Variants in KPNA3 observed in about 807,000 individuals in gnomAD.
The protein encoded by KPNA3 is karyopherin subunit alpha 3.
KPNA3 carries 13 observed loss-of-function variants against 73.8 expected under a neutral mutation model. The ratio of observed to expected loss-of-function variants is 0.18; its 90% CI spans 0.11 to 0.28. The LOEUF (loss-of-function observed/expected upper bound fraction) is 0.28, where lower values mean the gene tolerates loss of function less well. Among genes scored for constraint, KPNA3 ranks in the 10% least tolerant of loss-of-function variants. The pLI is 1.00. For missense variants in KPNA3, 360 were observed against 618.1 expected (o/e 0.58, Z 4.43); for synonymous variants, 186 against 206.9 (o/e 0.90, Z 0.87).
intron 2 of KPNA3, among the ~76,000 whole-genome samples, chr13:49,733,285 T>TTG (rs1267122011): frequency 7.0e-6 from 1 of 142,278 alleles, no homozygotes; most frequent in Non-Finnish European, 1.6e-5. Flanking sequence ...CTGTGGTGTT[T>TTG]TTTTTTTTTT....
At position 49,790,597 on chromosome 13, in the gene KPNA3, A is replaced by C. The variant is rs183206400; in HGVS notation, c.69+1841T>G. On this transcript the variant is annotated intron_variant, in intron 1 of 16. Coordinates refer to ENST00000261667, the MANE Select transcript of KPNA3 (RefSeq NM_002267.4). ...GAACTACCATTTGAATGTCTATTTC[A>C]TGTTTTAGTTACACTATAGAATCCC... 1.2e-4 allele frequency among the ~76,000 whole-genome samples: 19 copies of C among 152,376 alleles called. No homozygotes were observed. In the South Asian group the frequency reaches 3.3e-3, roughly 27 times the overall value.
chr13:49,773,168 G>C (rs939821271), intron 1 of KPNA3, among the ~76,000 whole-genome samples: 1 of 152,192 alleles, frequency 6.6e-6, no homozygotes, highest in African/African-American at 2.4e-5. Flanking sequence ...AAGGCAAGCT[G>C]ATCAATGAAA....
Position 49,722,037 on chromosome 13 carries a change from G to T in KPNA3, c.644C>A (p.Thr215Asn). The change falls in exon 9 of 17, where the codon ACC becomes AAC. Residue 215 changes from threonine to asparagine, a missense_variant. Physicochemically the swap from Thr to Asn is moderately conservative, Grantham distance 65. Around this residue, in one of 3 missense-constraint regions of KPNA3, gnomAD observed 287 missense variants for 549.1 expected, o/e 0.52. Transcript: ENST00000261667. The part of the protein sequence containing the change: ...LSFISPSIPI[T>N]FLRNVTWVIV... The stretch of plus-strand genomic sequence containing the variant: ...GACCCATGTGACGTTCCGAAGGAAG[G>T]TGATGGGGATGGAGGGACTGATGAA... The T allele has an allele frequency of 6.2e-7, 1 of 1,612,108 alleles. No individual in the cohort carries two copies. Among genetic ancestry groups the T allele is most frequent in the East Asian group, 2.2e-5 (1 of 44,828 alleles).
intron 1 of KPNA3, among the ~76,000 whole-genome samples, chr13:49,758,570 C>T (rs1347033365): frequency 1.3e-5 from 2 of 151,910 alleles, no homozygotes; most frequent in African/African-American, 2.4e-5. Flanking sequence ...TTCTATTATT[C>T]CTGGTGTCAG....
intron 10 of KPNA3, among the ~76,000 whole-genome samples, chr13:49,717,281 A>T (rs1407095030): frequency 1.3e-5 from 2 of 152,104 alleles, no homozygotes; most frequent in South Asian, 2.1e-4. Flanking sequence ...CATATAAAAA[A>T]TTAGCAGGGA....
intron 15 of KPNA3, 148 bp downstream of exon 15, chr13:49,705,473 A>C (rs1047076003): frequency 1.0e-5 from 9 of 869,192 alleles, no homozygotes; most frequent in Non-Finnish European, 1.6e-5. Flanking sequence ...CTTGGAATGC[A>C]AATATAGTGA....
At chr13:49,719,727 T>A in intron 10 of KPNA3, 48 bp downstream of exon 10, 1 of 1,292,268 alleles carries the variant, frequency 7.7e-7, no homozygotes, top group Non-Finnish European at 1.1e-6. Context: ...AAACCCTTTC[T>A]GTCCCATCAA....
In KPNA3 at chr13:49,792,490, C is replaced by T; in HGVS notation, c.17G>A (p.Ser6Asn). Residue 6 changes from serine (S) to asparagine (N), a missense_variant, in exon 1 of 17, where the codon AGC (serine) becomes AAC (asparagine). By Grantham distance (46) the Ser-to-Asn change is conservative (BLOSUM62 1). Around this residue, in one of 3 missense-constraint regions of KPNA3, gnomAD observed 35 missense variants for 30.0 expected, o/e 1.17. Transcript: ENST00000261667. ...GCTCTTGATGCGGTGGTTCTCCAAG[C>T]TGGGGTTCTCGGCCATGGCTGCGCG... MAENP[S>N]LENHRIKSFK... The T allele has an allele frequency of 6.3e-7, 1 of 1,580,550 alleles. No homozygotes were observed. Among genetic ancestry groups the T allele is most frequent in the Non-Finnish European group, 8.6e-7 (1 of 1,165,004 alleles).
At chr13:49,721,711 T>C (rs936519231) in intron 9 of KPNA3, among the ~76,000 whole-genome samples, 2 of 152,018 alleles carry the variant, frequency 1.3e-5, no homozygotes, top group Non-Finnish European at 2.9e-5. Context: ...TCCCAGCTAC[T>C]CAGGAGGCTG....
intron 1 of KPNA3, among the ~76,000 whole-genome samples, chr13:49,770,838 A>G (rs1485402652): frequency 7.0e-5 from 10 of 143,020 alleles, no homozygotes; most frequent in Admixed American, 4.0e-4. Context: ...ACCTACCAAA[A>G]AAAAAAAAAA....
At chr13:49,752,559 T>C (rs1406087547) in intron 1 of KPNA3, among the ~76,000 whole-genome samples, 1 of 149,196 alleles carries the variant, frequency 6.7e-6, no homozygotes, top group African/African-American at 2.4e-5. Context: ...TCAATCAGAA[T>C]TAGAAAAACT....
At position 49,789,982 on chromosome 13, in the gene KPNA3, G is replaced by T. The variant is rs1410096227; in HGVS notation, c.69+2456C>A. Among the ~76,000 whole-genome samples, 3 of 150,704 alleles carry T rather than the reference G, an allele frequency of 2.0e-5. No homozygotes were observed. The South Asian group carries it at 6.7e-4, about 33-fold the overall frequency. On this transcript the variant is annotated intron_variant, in intron 1 of 16. Transcript: ENST00000261667. ...GCATGCATTTTCGGAATACTATACTGTAACAATTGTTGTTCTGCATTGTAA... is the reference window on the plus strand; with the variant it reads ...GCATGCATTTTCGGAATACTATACTTTAACAATTGTTGTTCTGCATTGTAA...
chr13:49,734,175 C>CT (rs886122975), intron 2 of KPNA3, among the ~76,000 whole-genome samples: 2 of 152,206 alleles, frequency 1.3e-5, no homozygotes, highest in South Asian at 2.1e-4. Context: ...TGAATTACCA[C>CT]TTTAACTGTA....
chr13:49,786,160 G>A (rs1472356804), intron 1 of KPNA3, among the ~76,000 whole-genome samples: 1 of 152,166 alleles, frequency 6.6e-6, no homozygotes, highest in Non-Finnish European at 1.5e-5. Flanking sequence ...ATGCCATGGA[G>A]TCAACACCAA....
chr13:49,700,136 G>T lies in KPNA3; in HGVS notation c.*1664C>A, dbSNP rs1256455217. 1 of 152,534 alleles carries T rather than the reference G, an allele frequency of 6.6e-6. No individual in the cohort carries two copies. Among genetic ancestry groups the T allele is most frequent in the Non-Finnish European group, 1.5e-5 (1 of 68,014 alleles). The allele number at this position is 152,534 out of a possible 1,614,324, so 9.4% of individuals were successfully genotyped here. A position where few individuals can be genotyped will look rare whatever the true frequency, so the allele number is the denominator to read the frequency against. On this transcript the variant is annotated 3_prime_UTR_variant, in exon 17 of 17. Coordinates refer to ENST00000261667, the MANE Select transcript of KPNA3 (RefSeq NM_002267.4). ...TAAACATACGCTTGTATCCACTTTAGATACAAGACAAAACTCACTCTTTAA... is the reference window on the plus strand; with the variant it reads ...TAAACATACGCTTGTATCCACTTTATATACAAGACAAAACTCACTCTTTAA...
Position 49,700,347 on chromosome 13 carries a change from T to G in KPNA3, c.*1453A>C, listed in dbSNP as rs1039215137. ...TAGATTTTCTATCCCTTCACATCAATGCATTGGGAAATTATACCCAGTAAA... is the reference window on the plus strand; with the variant it reads ...TAGATTTTCTATCCCTTCACATCAAGGCATTGGGAAATTATACCCAGTAAA... On this transcript the variant is annotated 3_prime_UTR_variant, in exon 17 of 17. Coordinates refer to ENST00000261667, the MANE Select transcript of KPNA3 (RefSeq NM_002267.4). 6.6e-6 allele frequency: 1 copy of G among 152,646 alleles called. No homozygotes were observed. Among genetic ancestry groups the G allele is most frequent in the Non-Finnish European group, 1.5e-5 (1 of 68,032 alleles). 9.5% of individuals were successfully genotyped at this position (152,646 alleles called of 1,614,324 possible).
At chr13:49,753,437 C>T (rs1364687128) in intron 1 of KPNA3, among the ~76,000 whole-genome samples, 2 of 152,188 alleles carry the variant, frequency 1.3e-5, no homozygotes, top group East Asian at 3.8e-4. Context: ...AACTCAAGGA[C>T]TACTGTTTAT....
intron 1 of KPNA3, among the ~76,000 whole-genome samples, chr13:49,775,652 C>G (rs925928115): frequency 1.1e-4 from 16 of 152,178 alleles, no homozygotes; most frequent in Non-Finnish European, 2.1e-4. Context: ...TCACACCTAT[C>G]TTTTCTCTGT....
intron 1 of KPNA3, among the ~76,000 whole-genome samples, chr13:49,787,681 ATTTT>A (rs35108432): frequency 7.6e-6 from 1 of 132,020 alleles, no homozygotes. Flanking sequence ...TAATTTTTGT[ATTTT>A]TTTTTTTTTT....
Sources: allele counts gnomAD v4.1 joint callset (sites outside exome capture counted in the v4.1 genomes callset), GRCh38; gene constraint gnomAD v4.1.1; regional missense constraint gnomAD v4.1.1; transcripts MANE v1.5; gene names NCBI Gene and HGNC (gene_info 2026-07-23, HGNC 2026-07-21).